The following PCDHA3 variants were observed in gnomAD, a reference collection of about 807,000 sequenced individuals.
PCDHA3 encodes the protein protocadherin alpha-3.
PCDHA3 carries 41 observed loss-of-function variants against 62.2 expected under a neutral mutation model. The observed-to-expected ratio is 0.66, with a 90% CI of 0.51 to 0.86. PCDHA3 has a LOEUF of 0.86. Among genes scored for constraint, PCDHA3 ranks in the 40% least tolerant of loss-of-function variants. PCDHA3 has a pLI of 0.00. For missense variants in PCDHA3, 1,304 were observed against 1,241.2 expected (o/e 1.05, Z -0.76); for synonymous variants, 640 against 555.4 (o/e 1.15, Z -2.14).
At chr5:140,875,247 A>T in intron 1 of PCDHA3, 1 of 962,254 alleles carries the variant, frequency 1.0e-6, no homozygotes, top group Non-Finnish European at 1.5e-6. Flanking sequence ...TTACATAATC[A>T]GTCACATGAT....
chr5:140,841,748 T>G (rs2150322169), intron 1 of PCDHA3: 12 of 1,613,846 alleles, frequency 7.4e-6, no homozygotes, highest in Non-Finnish European at 9.3e-6. Context: ...GCTGTTTGTT[T>G]CAGAATCCAG....
chr5:140,978,860 A>G, intron 1 of PCDHA3, 89 bp from the exon 2 acceptor site: 1 of 1,598,356 alleles, frequency 6.3e-7, no homozygotes, highest in African/African-American at 1.3e-5. Context: ...GCCTGGAAAT[A>G]TTTAAGGGAG....
chr5:140,883,777 G>T, intron 1 of PCDHA3: 3 of 1,612,364 alleles, frequency 1.9e-6, no homozygotes, highest in Non-Finnish European at 1.7e-6. Flanking sequence ...GCGAGCGTGC[G>T]CTGTCGAGCT....
At position 140,946,611 on chromosome 5, in the gene PCDHA3, A is replaced by AATATATATATATATATATATATATAT. The variant is rs1554217734; in HGVS notation, c.2395-32317_2395-32316insTATATATATATATATATATATATATA. Among the ~76,000 whole-genome samples, 847 of 86,186 alleles carry AATATATATATATATATATATATATAT rather than the reference A, an allele frequency of 9.8e-3. 28 individuals carry two copies. The highest frequency in any genetic ancestry group is 0.012 in the Non-Finnish European group (550 of 46,284). The allele number at this position is 86,186 out of a possible 152,430, so 56.5% of individuals were successfully genotyped here. ...GGATGAATAGATAAAGAAAATGTGA[A>AATATATATATATATATATATATATAT]ATATATATATATATATATATACAAT... On this transcript the variant is annotated intron_variant, in intron 1 of 3. Coordinates refer to ENST00000522353, the MANE Select transcript of PCDHA3 (RefSeq NM_018906.3).
Position 140,803,382 on chromosome 5 carries a change from G to C in PCDHA3, c.2185G>C (p.Glu729Gln). The part of the protein sequence containing the change: ...TALRCSAPPT[E>Q]GDCGPGKPTL... ...TCTGCGGTGCTCCGCGCCGCCAACC[G>C]AAGGCGACTGTGGGCCGGGCAAGCC... The change falls in exon 1 of 4, where the codon GAA becomes CAA. Residue 729 changes from glutamate (E) to glutamine (Q), a missense_variant. Physicochemically the swap from Glu to Gln is conservative, Grantham distance 29. Coordinates refer to ENST00000522353, the MANE Select transcript of PCDHA3 (RefSeq NM_018906.3). 6.2e-7 allele frequency: 1 copy of C among 1,614,202 alleles called. No individual in the cohort carries two copies.
chr5:140,805,329 G>A, intron 1 of PCDHA3: 1 of 1,245,960 alleles, frequency 8.0e-7, no homozygotes. Flanking sequence ...TGTGCTTGAT[G>A]TCAATGATCA....
At chr5:140,856,242 T>C (rs1202551683) in intron 1 of PCDHA3, 3 of 1,597,874 alleles carry the variant, frequency 1.9e-6, no homozygotes, top group Admixed American at 1.7e-5. Flanking sequence ...CTGTTCCGGG[T>C]GGCGTCCAAA....
At chr5:140,925,082 A>G (rs1362065754) in intron 1 of PCDHA3, among the ~76,000 whole-genome samples, 1 of 147,284 alleles carries the variant, frequency 6.8e-6, no homozygotes, top group African/African-American at 2.6e-5. Context: ...GCTCATCTGG[A>G]AAGGAAGGAA....
chr5:140,843,269 C>T, intron 1 of PCDHA3: 1 of 1,596,112 alleles, frequency 6.3e-7, no homozygotes, highest in Non-Finnish European at 8.6e-7. Flanking sequence ...TCTGCTGGTC[C>T]TGGTGAAGGA....
intron 3 of PCDHA3, among the ~76,000 whole-genome samples, chr5:141,008,523 C>A (rs2098380908): frequency 6.6e-6 from 1 of 152,182 alleles, no homozygotes; most frequent in Admixed American, 6.5e-5. Context: ...CAATCAGACT[C>A]TTGGGAATGT....
chr5:140,842,874 A>C lies in PCDHA3; in HGVS notation c.2394+39283A>C, dbSNP rs2150346972. 38 of 1,593,708 alleles carry C rather than the reference A, an allele frequency of 2.4e-5. 5 individuals carry two copies. The highest frequency in any genetic ancestry group is 2.3e-4 in the African/African-American group (17 of 74,204). On this transcript the variant is annotated intron_variant, in intron 1 of 3. Coordinates refer to ENST00000522353, the MANE Select transcript of PCDHA3 (RefSeq NM_018906.3). Reference sequence around the variant, plus strand: ...GTGCACACGGAGAGCGGCAAGGTGTACGCGCTGCAGCCGCTGGACCACGAG... The same window carrying C: ...GTGCACACGGAGAGCGGCAAGGTGTCCGCGCTGCAGCCGCTGGACCACGAG...
chr5:140,875,765 G>T (rs1554167926), intron 1 of PCDHA3: 2 of 1,614,252 alleles, frequency 1.2e-6, no homozygotes, highest in Middle Eastern at 1.6e-4. Context: ...CTGTGCGGGC[G>T]GAGCGCGGAG....
At chr5:140,842,669 G>C (rs1554139258) in intron 1 of PCDHA3, 2 of 1,595,384 alleles carry the variant, frequency 1.3e-6, no homozygotes, top group East Asian at 2.2e-5. Context: ...CGACGTGAAC[G>C]ACAATGCTCC....
At chr5:140,837,494 T>C (rs2150275990) in intron 1 of PCDHA3, among the ~76,000 whole-genome samples, 2,176 of 141,154 alleles carry the variant, frequency 0.015, 60 homozygotes, top group African/African-American at 0.056. Flanking sequence ...ACTTTACCTT[T>C]CTGAATTTCT....
chr5:140,851,916 G>A, intron 1 of PCDHA3: 1 of 968,262 alleles, frequency 1.0e-6, no homozygotes, highest in Non-Finnish European at 1.2e-6. Flanking sequence ...GTCACTACAT[G>A]TTATGTTTCC....
At chr5:140,927,089 TC>T in intron 1 of PCDHA3, 1 of 1,612,460 alleles carries the variant, frequency 6.2e-7, no homozygotes, top group Non-Finnish European at 8.5e-7. Context: ...GAGCTCTACT[TC>T]GGGGTGGATC....
At chr5:141,006,050 G>A (rs1554260524) in intron 3 of PCDHA3, among the ~76,000 whole-genome samples, 1 of 151,092 alleles carries the variant, frequency 6.6e-6, no homozygotes, top group African/African-American at 2.4e-5. Flanking sequence ...GTAGATGAGA[G>A]TGGAGAAGAA....
intron 1 of PCDHA3, chr5:140,929,003 G>A: frequency 6.2e-7 from 1 of 1,614,106 alleles, no homozygotes; most frequent in South Asian, 1.1e-5. Flanking sequence ...TTCTTCGTGT[G>A]TACCAAGTTG....
chr5:141,005,489 G>A (rs1336877426), intron 3 of PCDHA3, among the ~76,000 whole-genome samples: 3 of 151,788 alleles, frequency 2.0e-5, no homozygotes, highest in Non-Finnish European at 4.4e-5. Context: ...GGATCATGAG[G>A]TCAGGAGATC....
Sources: gnomAD v4.1 joint callset for allele counts (sites outside exome capture counted in the v4.1 genomes callset) on GRCh38, gnomAD v4.1.1 for gene constraint, MANE v1.5 for transcripts, NCBI Gene and HGNC (gene_info 2026-07-23, HGNC 2026-07-21) for gene names.